RNF213: variants seen among roughly 807,000 people sequenced by gnomAD.
The protein encoded by RNF213 is ring finger protein 213.
Under a neutral mutation model 514.4 loss-of-function variants are expected in RNF213, and 341 were observed. The observed-to-expected ratio is 0.66, with a 90% CI of 0.61 to 0.73. The LOEUF (loss-of-function observed/expected upper bound fraction) is 0.73, where lower values mean the gene tolerates loss of function less well. Ranked by LOEUF, RNF213 falls within the 30% of genes least tolerant of loss-of-function variation. RNF213 has a pLI of 0.00. For missense variants in RNF213, 5,767 were observed against 6,615.6 expected (o/e 0.87, Z 4.45); for synonymous variants, 2,655 against 2,658.2 (o/e 1.00, Z 0.04).
chr17:80,281,350 C>G (rs201506620), intron 3 of RNF213, among the ~76,000 whole-genome samples: 14 of 126,098 alleles, frequency 1.1e-4, no homozygotes, highest in Non-Finnish European at 2.4e-4. Context: ...ACACACACAC[C>G]CCACTCACAC....
At position 80,307,274 on chromosome 17, in the gene RNF213, G is replaced by C. The variant is rs560093707; in HGVS notation, c.2501+73G>C. 3.8e-6 allele frequency: 5 copies of C among 1,314,676 alleles called. No individual in the cohort carries two copies. In the Admixed American group the frequency reaches 8.4e-5, roughly 22 times the overall value. 81.4% of individuals were successfully genotyped at this position (1,314,676 alleles called of 1,614,324 possible). ...GGGCTTCCTCTGACCCCTATAATTG[G>C]CCGTGACCCACATGTGCTGTTGTAA... On this transcript the variant is annotated intron_variant, in intron 13 of 67. Coordinates refer to ENST00000582970, the MANE Select transcript of RNF213 (RefSeq NM_001256071.3).
chr17:80,383,168 G>C, intron 58 of RNF213, 98 bp downstream of exon 58: 2 of 833,540 alleles, frequency 2.4e-6, no homozygotes, highest in East Asian at 2.6e-5. Flanking sequence ...CCTCGTAGCG[G>C]TGCCAGCAAG....
In RNF213 at chr17:80,332,528, A is replaced by G. The variant is rs1426365357; in HGVS notation, c.4040A>G (p.His1347Arg). ...CGAGTCGAACAGATCAAGGAATACC[A>G]TCACCTGCACCAGGCTGTCCACGCA... ...KDRVEQIKEY[H>R]HLHQAVHAAK... Residue 1347 changes from histidine (H) to arginine (R), a missense_variant, in exon 21 of 68, where the codon CAT becomes CGT. By Grantham distance (29) the His-to-Arg change is conservative (BLOSUM62 0). This residue lies in a region of RNF213 where 516 missense variants were observed against 566.5 expected (regional missense o/e 0.91). Coordinates refer to ENST00000582970, the MANE Select transcript of RNF213 (RefSeq NM_001256071.3). The G allele has an allele frequency of 2.0e-6, 3 of 1,536,986 alleles. No homozygotes were observed. The highest frequency in any genetic ancestry group is 2.6e-6 in the Non-Finnish European group (3 of 1,146,762).
Position 80,278,130 on chromosome 17 carries a change from G to A in RNF213, c.261+4726G>A, listed in dbSNP as rs191393457. The stretch of plus-strand genomic sequence containing the variant: ...TGTGGTGAGGGAAGAGGAGACTGCC[G>A]GAGCCAGGGGTCATTTGGGTTGGAG... On this transcript the variant is annotated intron_variant, in intron 3 of 67. Transcript: ENST00000582970. Among the ~76,000 whole-genome samples, 266 of 152,334 alleles carry A rather than the reference G, an allele frequency of 1.7e-3. 1 individual carries two copies. Among genetic ancestry groups the A allele is most frequent in the African/African-American group, 6.1e-3 (255 of 41,580 alleles).
At chr17:80,386,498 C>A (rs1420768177) in intron 62 of RNF213, 68 bp downstream of exon 62, 1 of 1,550,486 alleles carries the variant, frequency 6.4e-7, no homozygotes, top group Non-Finnish European at 8.9e-7. Context: ...GTGGGGCAGA[C>A]ACAAGCAAGC....
intron 15 of RNF213, among the ~76,000 whole-genome samples, chr17:80,314,248 TGG>T (rs2045741840): frequency 9.3e-6 from 1 of 107,584 alleles, no homozygotes; most frequent in Non-Finnish European, 1.8e-5. Context: ...GTGGAGGTAC[TGG>T]AGGTGATGGT....
chr17:80,336,111 G>A (rs1417935002), intron 22 of RNF213, 50 bp from the exon 23 acceptor site: 5 of 1,433,654 alleles, frequency 3.5e-6, no homozygotes, highest in Non-Finnish European at 4.7e-6. Flanking sequence ...ACCGAGTCTT[G>A]TGCTATCGTG....
chr17:80,373,637 C>T lies in RNF213; in HGVS notation c.12942+472C>T, dbSNP rs111893179. 8.1e-3 allele frequency among the ~76,000 whole-genome samples: 1,240 copies of T among 152,166 alleles called. 26 individuals carry two copies. The highest frequency in any genetic ancestry group is 0.028 in the African/African-American group (1,168 of 41,512). ...CGTAGTTCAGCTTGCAAGGTGCGAC[C>T]TTTTTACCTCTGGCAGGCAGAGACA... On this transcript the variant is annotated intron_variant, in intron 49 of 67. Transcript: ENST00000582970.
intron 14 of RNF213, among the ~76,000 whole-genome samples, chr17:80,312,262 G>GAGGGAGGAGGA (rs2045596696): frequency 6.6e-6 from 1 of 152,240 alleles, no homozygotes; most frequent in African/African-American, 2.4e-5. Context: ...GGGGAGGACA[G>GAGGGAGGAGGA]AGGGAGGAGG....
In RNF213 at chr17:80,389,931, C is replaced by G. The variant is rs751596589; in HGVS notation, c.15285+14C>G. 4.3e-6 allele frequency: 7 copies of G among 1,614,042 alleles called. No individual in the cohort carries two copies. The South Asian group carries it at 7.7e-5, about 18-fold the overall frequency. ...CGGCTGCACAAAGTAAGTCTGGTCT[C>G]TTCCTCTCTGCTGGACAGAGGGACT... On this transcript the variant is annotated intron_variant, in intron 66 of 67. Coordinates refer to ENST00000582970, the MANE Select transcript of RNF213 (RefSeq NM_001256071.3).
intron 14 of RNF213, among the ~76,000 whole-genome samples, chr17:80,312,284 G>A (rs1424509077): frequency 2.0e-5 from 3 of 152,328 alleles, no homozygotes; most frequent in East Asian, 1.9e-4. Context: ...AGGAGAGGGA[G>A]GAAGAGGAAG....
chr17:80,273,449 C>T lies in RNF213; in HGVS notation c.261+45C>T, dbSNP rs374558834. 90 of 1,607,530 alleles carry T rather than the reference C, an allele frequency of 5.6e-5. No homozygotes were observed. The African/African-American group carries it at 9.8e-4, about 17-fold the overall frequency. ...TCCCCTCCGCCCCCGCTCACTCTGC[C>T]CAGGAAAATCTCACTGCACAGCTGC... On this transcript the variant is annotated intron_variant, in intron 3 of 67. Coordinates refer to ENST00000582970, the MANE Select transcript of RNF213 (RefSeq NM_001256071.3).
In RNF213 at chr17:80,332,185, T is replaced by C; in HGVS notation, c.3697T>C (p.Phe1233Leu). 2 of 1,537,194 alleles carry C rather than the reference T, an allele frequency of 1.3e-6. No individual in the cohort carries two copies. The highest frequency in any genetic ancestry group is 1.7e-6 in the Non-Finnish European group (2 of 1,146,912). The change falls in exon 21 of 68, where the codon TTC (phenylalanine) becomes CTC (leucine). Residue 1233 changes from phenylalanine (F) to leucine (L), a missense_variant. By Grantham distance (22) the Phe-to-Leu change is conservative (BLOSUM62 0). Transcript: ENST00000582970. Reference sequence around the variant, plus strand: ...AGACTTGCTCAGAGACAGCCACATCTTCCAGCTCTTCTGGCGGGAAGCCGC... The same window carrying C: ...AGACTTGCTCAGAGACAGCCACATCCTCCAGCTCTTCTGGCGGGAAGCCGC... ...KIDLLRDSHI[F>L]QLFWREAAEP...
rs201124541 is a variant in RNF213 at position 80,317,152 on chromosome 17, G to A, written c.2812-36G>A. ...TGGGAGTGTGCCGTGGCATTTAGTC[G>A]TGAGAGTGGGTGTGACCTGTGTGCG... On this transcript the variant is annotated intron_variant, in intron 15 of 67. Coordinates refer to ENST00000582970, the MANE Select transcript of RNF213 (RefSeq NM_001256071.3). The surrounding 1 kb of genome is among the most constrained non-coding windows in gnomAD (Gnocchi z 4.1). The A allele has an allele frequency of 2.4e-4, 385 of 1,600,082 alleles. 3 individuals are homozygous for A. In the South Asian group the frequency reaches 3.5e-3, roughly 15 times the overall value.
At chr17:80,300,961 C>G (rs1025831744) in intron 11 of RNF213, among the ~76,000 whole-genome samples, 1 of 152,182 alleles carries the variant, frequency 6.6e-6, no homozygotes, top group East Asian at 1.9e-4. Flanking sequence ...TGTTCATGTC[C>G]TTTGCCCACT....
chr17:80,391,435 T>C (rs2144674341), intron 67 of RNF213, among the ~76,000 whole-genome samples: 2 of 152,216 alleles, frequency 1.3e-5, no homozygotes, highest in Middle Eastern at 3.4e-3. Context: ...CACGCCCAGC[T>C]AATTTTTTCT....
chr17:80,350,252 A>C, intron 30 of RNF213, 49 bp from the exon 31 acceptor site: 1 of 1,208,182 alleles, frequency 8.3e-7, no homozygotes, highest in Non-Finnish European at 1.2e-6. Context: ...TTTCTTTTCC[A>C]TTTTTTTAAG....
At chr17:80,355,232 A>G (rs2078689442) in intron 36 of RNF213, 1 of 455,842 alleles carries the variant, frequency 2.2e-6, no homozygotes, top group African/African-American at 2.0e-5. Context: ...GTCCCCTTCC[A>G]GGTCCAAGCT....
Position 80,332,488 on chromosome 17 carries a change from G to C in RNF213, c.4000G>C (p.Asp1334His). 6.5e-7 allele frequency: 1 copy of C among 1,537,176 alleles called. No individual in the cohort carries two copies. Among genetic ancestry groups the C allele is most frequent in the Non-Finnish European group, 8.7e-7 (1 of 1,146,864 alleles). The change falls in exon 21 of 68, where the codon GAT becomes CAT. Residue 1334 changes from aspartate to histidine, a missense_variant. Physicochemically the swap from Asp to His is moderately conservative, Grantham distance 81 (BLOSUM62 -1). This residue lies in a region of RNF213 where 516 missense variants were observed against 566.5 expected (regional missense o/e 0.91). Transcript: ENST00000582970. ...MCTVDHQDQR[D>H]WIKDRVEQIK... ...CACCGTGGACCACCAGGACCAAAGA[G>C]ATTGGATCAAGGACCGAGTCGAACA...
Sources: allele counts gnomAD v4.1 joint callset (sites outside exome capture counted in the v4.1 genomes callset), GRCh38; gene constraint gnomAD v4.1.1; regional missense constraint gnomAD v4.1.1; non-coding constraint Gnocchi (gnomAD v3.1); transcripts MANE v1.5; gene names NCBI Gene and HGNC (gene_info 2026-07-23, HGNC 2026-07-21).